RALGPS2: variants seen among roughly 807,000 people sequenced by gnomAD.
RALGPS2 encodes Ral GEF with PH domain and SH3 binding motif 2, also known as ras-specific guanine nucleotide-releasing factor RalGPS2.
Under a neutral mutation model 86.8 loss-of-function variants are expected in RALGPS2, and 43 were observed. The observed-to-expected ratio is 0.50, with a 90% CI of 0.39 to 0.64. The LOEUF is 0.64. Among genes scored for constraint, RALGPS2 ranks in the 30% least tolerant of loss-of-function variants. RALGPS2 has a pLI of 0.00. For missense variants in RALGPS2, 536 were observed against 694.6 expected (o/e 0.77, Z 2.57); for synonymous variants, 243 against 231.3 (o/e 1.05, Z -0.46).
chr1:178,788,841 C>CTTTCTTTCTTTCTTTTCTTTTCT (rs1183666679), intron 4 of RALGPS2, among the ~76,000 whole-genome samples: 1 of 132,442 alleles, frequency 7.6e-6, no homozygotes, highest in Admixed American at 8.0e-5. Flanking sequence ...TTCTTTCTTT[C>CTTTCTTTCTTTCTTTTCTTTTCT]TTTCTTTTCT....
At chr1:178,821,807 C>A in intron 7 of RALGPS2, 103 bp downstream of exon 7, 3 of 938,042 alleles carry the variant, frequency 3.2e-6, no homozygotes, top group South Asian at 1.7e-5. Flanking sequence ...TAATGATAAT[C>A]AATAAGGATT....
rs117935966 is a variant in RALGPS2, at chr1:178,813,035, T to G, written c.387+1631T>G. ...GCAAACTCTGCCTCCCGAGTTCAAGTGATTCTCACATCTCAGCTTCCCAAG... is the reference window on the plus strand; with the variant it reads ...GCAAACTCTGCCTCCCGAGTTCAAGGGATTCTCACATCTCAGCTTCCCAAG... On this transcript the variant is annotated intron_variant, in intron 6 of 19. Transcript: ENST00000367635. 2.3e-4 allele frequency among the ~76,000 whole-genome samples: 35 copies of G among 149,772 alleles called. 1 individual carries two copies. The East Asian group carries it at 6.3e-3, about 27-fold the overall frequency.
chr1:178,872,488 TGGC>T (rs1211786458), intron 8 of RALGPS2, among the ~76,000 whole-genome samples: 23 of 152,224 alleles, frequency 1.5e-4, no homozygotes, highest in African/African-American at 5.5e-4. Flanking sequence ...GCTGTGCTTG[TGGC>T]CATGAAGGAT....
At chr1:178,790,357 GTATGA>G (rs1278848574) in intron 4 of RALGPS2, among the ~76,000 whole-genome samples, 1 of 152,146 alleles carries the variant, frequency 6.6e-6, no homozygotes, top group African/African-American at 2.4e-5. Context: ...TTAAAATTTA[GTATGA>G]TATATTAAAG....
Position 178,738,175 on chromosome 1 carries a change from T to C in RALGPS2, c.-84+12756T>C, listed in dbSNP as rs576149749. 1.4e-3 allele frequency among the ~76,000 whole-genome samples: 212 copies of C among 150,290 alleles called. 1 individual carries two copies. Among genetic ancestry groups the C allele is most frequent in the African/African-American group, 4.7e-3 (191 of 41,004 alleles). On this transcript the variant is annotated intron_variant, in intron 1 of 19. Coordinates refer to ENST00000367635, the MANE Select transcript of RALGPS2 (RefSeq NM_152663.5). ...TTTGGTTAGGTCTAGTCAAAAATTA[T>C]CAGTTTTATTTTCTAATAGATGGAT...
chr1:178,743,986 A>G (rs1338690381), intron 1 of RALGPS2, among the ~76,000 whole-genome samples: 2 of 152,212 alleles, frequency 1.3e-5, no homozygotes. Flanking sequence ...TTGTAGAGGA[A>G]GAAGTACTTC....
intron 8 of RALGPS2, among the ~76,000 whole-genome samples, chr1:178,855,319 A>G (rs376280376): frequency 1.4e-5 from 2 of 143,992 alleles, no homozygotes; most frequent in South Asian, 2.1e-4. Context: ...TTTTTACTTC[A>G]TATCATCAGT....
chr1:178,783,217 C>T (rs149717872), intron 2 of RALGPS2, among the ~76,000 whole-genome samples: 8 of 152,160 alleles, frequency 5.3e-5, no homozygotes, highest in Non-Finnish European at 1.2e-4. Flanking sequence ...CGAAGAATGC[C>T]TTTGGTGAGC....
intron 4 of RALGPS2, among the ~76,000 whole-genome samples, chr1:178,797,273 T>C (rs1572341902): frequency 6.6e-6 from 1 of 152,136 alleles, no homozygotes; most frequent in East Asian, 1.9e-4. Context: ...GATCTTAGAA[T>C]CTGAAACAGA....
intron 7 of RALGPS2, among the ~76,000 whole-genome samples, chr1:178,827,588 G>A (rs2102237292): frequency 6.6e-6 from 1 of 151,692 alleles, no homozygotes; most frequent in South Asian, 2.1e-4. Context: ...GTAGAGACGG[G>A]GTTTCACCAT....
chr1:178,850,266 A>G (rs776525329), intron 8 of RALGPS2: 1 of 152,576 alleles, frequency 6.6e-6, no homozygotes, highest in Non-Finnish European at 1.5e-5. Flanking sequence ...TCTTTGTAGT[A>G]GTAAGATCAG....
intron 8 of RALGPS2, among the ~76,000 whole-genome samples, chr1:178,876,845 G>A (rs1186580071): frequency 6.6e-6 from 1 of 152,062 alleles, no homozygotes; most frequent in Non-Finnish European, 1.5e-5. Flanking sequence ...AGCATGGAGG[G>A]TAAGAAATAG....
At chr1:178,786,939 G>A (rs1653678467) in intron 4 of RALGPS2, among the ~76,000 whole-genome samples, 1 of 151,792 alleles carries the variant, frequency 6.6e-6, no homozygotes, top group Admixed American at 6.6e-5. Flanking sequence ...AAATGAAGGG[G>A]TGGGCCGAAA....
chr1:178,864,127 T>C (rs1658220012), intron 8 of RALGPS2, among the ~76,000 whole-genome samples: 1 of 152,084 alleles, frequency 6.6e-6, no homozygotes, highest in South Asian at 2.1e-4. Context: ...ATTCAGAAAG[T>C]TAGCAGTGGG....
intron 8 of RALGPS2, among the ~76,000 whole-genome samples, chr1:178,860,708 A>G (rs1474031109): frequency 1.3e-5 from 2 of 152,180 alleles, no homozygotes; most frequent in Non-Finnish European, 2.9e-5. Context: ...ATCTTTTGTA[A>G]CTGGCTAAAC....
At chr1:178,874,315 A>G (rs80236438) in intron 8 of RALGPS2, among the ~76,000 whole-genome samples, 3,729 of 152,312 alleles carry the variant, frequency 0.024, 144 homozygotes, top group African/African-American at 0.085. Context: ...GATATTTTAC[A>G]TTAATTTTTC....
rs1434486439 is a variant in RALGPS2 at position 178,920,982 on chromosome 1, T to G, written c.*4623T>G. 6.6e-6 allele frequency: 1 copy of G among 152,072 alleles called. No individual in the cohort carries two copies. Among genetic ancestry groups the G allele is most frequent in the African/African-American group, 2.4e-5 (1 of 41,436 alleles). 9.4% of individuals were successfully genotyped at this position (152,072 alleles called of 1,614,324 possible). ...ATAAGTTAAAGGAAAGTTAAGAGAC[T>G]AAGCTAGTTTTTTCAGTGAAAGCAA... On this transcript the variant is annotated 3_prime_UTR_variant, in exon 20 of 20. Transcript: ENST00000367635.
chr1:178,739,391 T>C lies in RALGPS2; in HGVS notation c.-84+13972T>C, dbSNP rs376816636. Among the ~76,000 whole-genome samples the C allele has an allele frequency of 3.9e-5, 6 of 152,298 alleles. No individual in the cohort carries two copies. In the East Asian group the frequency reaches 9.6e-4, roughly 24 times the overall value. On this transcript the variant is annotated intron_variant, in intron 1 of 19. Transcript: ENST00000367635. ...AAATAACATAAAACAATATGTTGTT[T>C]TGTGTCAGATTGAAGAGCATTAGCA...
intron 17 of RALGPS2, among the ~76,000 whole-genome samples, chr1:178,901,232 C>T (rs1660163612): frequency 6.6e-6 from 1 of 151,974 alleles, no homozygotes; most frequent in African/African-American, 2.4e-5. Context: ...TACTCTCCAC[C>T]CAGTGTGAGG....
Sources: gnomAD v4.1 joint callset for allele counts (sites outside exome capture counted in the v4.1 genomes callset) on GRCh38, gnomAD v4.1.1 for gene constraint, MANE v1.5 for transcripts, NCBI Gene and HGNC (gene_info 2026-07-23, HGNC 2026-07-21) for gene names.